Variants in FGGY observed in about 807,000 individuals in gnomAD.
FGGY encodes the protein FGGY carbohydrate kinase domain-containing protein.
In FGGY, 72 loss-of-function variants were observed where a neutral mutation model predicts 71.3. That is an observed-to-expected ratio of 1.01 (90% CI 0.84 to 1.23). The LOEUF (loss-of-function observed/expected upper bound fraction) is 1.23, where lower values mean the gene tolerates loss of function less well. FGGY is among the 50% of genes most tolerant of loss of function. The pLI is 0.00. For missense variants in FGGY, 668 were observed against 682.3 expected, an observed-to-expected ratio of 0.98 and a Z score of 0.23; for synonymous variants, 251 against 250.3, an observed-to-expected ratio of 1.00 and a Z score of -0.02.
intron 11 of FGGY, among the ~76,000 whole-genome samples, chr1:59,654,555 A>C (rs374985740): frequency 3.9e-4 from 60 of 152,248 alleles, no homozygotes; most frequent in Non-Finnish European, 7.1e-4. Flanking sequence ...TTTTCTTGCT[A>C]ATATGTATAA....
At chr1:59,369,575 G>C (rs1021953317) in intron 4 of FGGY, among the ~76,000 whole-genome samples, 2 of 152,166 alleles carry the variant, frequency 1.3e-5, no homozygotes, top group African/African-American at 4.8e-5. Context: ...CTCCCAGCAC[G>C]CAGCTGGAGA....
Position 59,650,090 on chromosome 1 carries a change from G to A in FGGY, c.1222-10129G>A, listed in dbSNP as rs1406296603. On this transcript the variant is annotated intron_variant, in intron 11 of 15. Transcript: ENST00000303721. ...GTATATTGAACCAGCCTTGATCCCA[G>A]GGATGAAGCCCACTTGATCATGGTG... Among the ~76,000 whole-genome samples, 2 of 148,580 alleles carry A rather than the reference G, an allele frequency of 1.3e-5. 1 individual carries two copies. The highest frequency in any genetic ancestry group is 5.2e-5 in the African/African-American group (2 of 38,106).
chr1:59,550,066 G>A (rs972307941), intron 7 of FGGY, among the ~76,000 whole-genome samples: 1 of 152,160 alleles, frequency 6.6e-6, no homozygotes, highest in Non-Finnish European at 1.5e-5. Context: ...CATTGTGCAA[G>A]TTTCAGGGAA....
At chr1:59,503,712 A>G (rs1451269668) in intron 6 of FGGY, among the ~76,000 whole-genome samples, 1 of 150,408 alleles carries the variant, frequency 6.6e-6, no homozygotes, top group Non-Finnish European at 1.5e-5. Context: ...AATTAAATAT[A>G]AGGAACATGA....
intron 6 of FGGY, among the ~76,000 whole-genome samples, chr1:59,463,583 C>G (rs1483953829): frequency 6.6e-6 from 1 of 151,634 alleles, no homozygotes; most frequent in Non-Finnish European, 1.5e-5. Flanking sequence ...GATAAAGAGT[C>G]AAGACCCATC....
At chr1:59,733,007 T>A (rs2098055402) in intron 14 of FGGY, among the ~76,000 whole-genome samples, 1 of 152,070 alleles carries the variant, frequency 6.6e-6, no homozygotes, top group Non-Finnish European at 1.5e-5. Context: ...CTTTCTCTCC[T>A]GGAGCCAGAT....
chr1:59,410,511 G>A (rs952671912), intron 5 of FGGY, among the ~76,000 whole-genome samples: 3 of 152,142 alleles, frequency 2.0e-5, no homozygotes, highest in Non-Finnish European at 4.4e-5. Context: ...ATGTATCCCT[G>A]GGGGCACATG....
intron 6 of FGGY, among the ~76,000 whole-genome samples, chr1:59,512,086 T>C (rs1433689473): frequency 2.0e-5 from 3 of 152,218 alleles, no homozygotes; most frequent in African/African-American, 4.8e-5. Context: ...AATGATGCTT[T>C]AGAGTTCCTT....
At chr1:59,375,798 C>T (rs2058565423) in intron 4 of FGGY, among the ~76,000 whole-genome samples, 2 of 151,822 alleles carry the variant, frequency 1.3e-5, no homozygotes, top group South Asian at 2.1e-4. Context: ...TCTGTTGTCC[C>T]ACAGTGGCTG....
chr1:59,376,196 A>G (rs1011749488), intron 4 of FGGY, among the ~76,000 whole-genome samples: 1 of 152,178 alleles, frequency 6.6e-6, no homozygotes, highest in South Asian at 2.1e-4. Context: ...TAGCTGTGTT[A>G]GGAATATTTA....
At chr1:59,673,710 C>T (rs2097404037) in intron 13 of FGGY, 2 of 281,036 alleles carry the variant, frequency 7.1e-6, no homozygotes, top group African/African-American at 4.3e-5. Flanking sequence ...CAGCAGAGCG[C>T]TTAATAAACA....
intron 11 of FGGY, among the ~76,000 whole-genome samples, chr1:59,650,173 T>A (rs1339498169): frequency 1.4e-5 from 2 of 147,990 alleles, no homozygotes; most frequent in African/African-American, 5.3e-5. Flanking sequence ...TGAGGATTTT[T>A]GCATCGATGT....
At chr1:59,514,408 G>T (rs2094589297) in intron 7 of FGGY, among the ~76,000 whole-genome samples, 1 of 152,172 alleles carries the variant, frequency 6.6e-6, no homozygotes, top group Admixed American at 6.5e-5. Flanking sequence ...TTCTGCCCAG[G>T]ACTCACTATG....
At chr1:59,590,157 C>T (rs1372123475) in intron 8 of FGGY, among the ~76,000 whole-genome samples, 4 of 152,306 alleles carry the variant, frequency 2.6e-5, no homozygotes, top group African/African-American at 9.6e-5. Flanking sequence ...ATACTACAAA[C>T]ACCTCTACTC....
chr1:59,525,766 T>C (rs574255602), intron 7 of FGGY, among the ~76,000 whole-genome samples: 51 of 152,324 alleles, frequency 3.3e-4, no homozygotes, highest in South Asian at 2.1e-3. Context: ...CTGGGGACGT[T>C]CATAAACTCC....
intron 8 of FGGY, among the ~76,000 whole-genome samples, chr1:59,581,497 A>G (rs1466895565): frequency 1.3e-5 from 2 of 149,684 alleles, no homozygotes; most frequent in Non-Finnish European, 1.5e-5. Flanking sequence ...TTTGCTAAAA[A>G]TGTATTAACT....
chr1:59,485,037 GC>G, intron 6 of FGGY, among the ~76,000 whole-genome samples: 1 of 152,146 alleles, frequency 6.6e-6, no homozygotes, highest in Non-Finnish European at 1.5e-5. Context: ...AGTAGAGGAG[GC>G]AGGATTATAG....
intron 5 of FGGY, among the ~76,000 whole-genome samples, chr1:59,449,830 C>T (rs558216039): frequency 6.6e-6 from 1 of 151,984 alleles, no homozygotes; most frequent in Non-Finnish European, 1.5e-5. Context: ...GTAATCTGGG[C>T]ATGGTGGTGT....
intron 7 of FGGY, among the ~76,000 whole-genome samples, chr1:59,515,021 T>G (rs2094607295): frequency 6.6e-6 from 1 of 152,194 alleles, no homozygotes; most frequent in African/African-American, 2.4e-5. Flanking sequence ...CTGATGAGAC[T>G]TTGGACTGTG....
Sources: allele counts gnomAD v4.1 joint callset (sites outside exome capture counted in the v4.1 genomes callset), GRCh38; gene constraint gnomAD v4.1.1; transcripts MANE v1.5; gene names NCBI Gene and HGNC (gene_info 2026-07-23, HGNC 2026-07-21).